The following FHL1 variants were observed in gnomAD, a reference collection of about 807,000 sequenced individuals.
FHL1 encodes four and a half LIM domains 1, also known as four and a half LIM domains protein 1.
FHL1 carries 1 observed loss-of-function variant against 20.3 expected under a neutral mutation model. The observed-to-expected ratio is 0.05, with a 90% CI of 0.02 to 0.23. The LOEUF is 0.23. FHL1 is among the 10% of genes least tolerant of loss of function. The pLI is 1.00. For missense variants in FHL1, 177 were observed against 234.0 expected (o/e 0.76, Z 1.59); for synonymous variants, 82 against 88.9 (o/e 0.92, Z 0.44).
intron 1 of FHL1, among the ~76,000 whole-genome samples, chrX:136,198,652 G>T (rs760392669): frequency 1.8e-5 from 2 of 112,148 alleles, no homozygotes; most frequent in East Asian, 5.6e-4. Flanking sequence ...CAAAATAGAA[G>T]CTAGGATAAT....
chrX:136,206,524 G>A lies in FHL1; in HGVS notation c.140G>A (p.Cys47Tyr). The A allele has an allele frequency of 8.2e-7, 1 of 1,212,629 alleles. No homozygotes were observed. The highest frequency in any genetic ancestry group is 1.1e-6 in the Non-Finnish European group (1 of 895,680). The part of the protein sequence containing the change: ...QKDGHHCCLK[C>Y]FDKFCANTCV... The stretch of plus-strand genomic sequence containing the variant: ...GATGGCCACCACTGCTGCCTGAAAT[G>A]CTTTGACAAGTTCTGTGCCAACACC... Residue 47 changes from cysteine to tyrosine, a missense_variant, in exon 2 of 6, where the codon TGC (cysteine) becomes TAC (tyrosine). Physicochemically the swap from Cys to Tyr is radical, Grantham distance 194. Coordinates refer to ENST00000370683, the MANE Select transcript of FHL1 (RefSeq NM_001159699.2).
At chrX:136,190,121 C>T (rs2073399118) in intron 2 of FHL1, among the ~76,000 whole-genome samples, 1 of 111,688 alleles carries the variant, frequency 9.0e-6, no homozygotes, top group African/African-American at 3.3e-5. Flanking sequence ...TGGAAATGAG[C>T]AAGAAGGGTG....
chrX:136,185,577 G>C (rs1048527904), intron 2 of FHL1, among the ~76,000 whole-genome samples: 1 of 111,759 alleles, frequency 8.9e-6, no homozygotes, highest in Non-Finnish European at 1.9e-5. Context: ...TAAAGACAGG[G>C]AGGTGCAATC....
At chrX:136,181,682 G>A (rs1374374343) in intron 2 of FHL1, among the ~76,000 whole-genome samples, 1 of 112,221 alleles carries the variant, frequency 8.9e-6, no homozygotes, top group Non-Finnish European at 1.9e-5. Flanking sequence ...ATACCTGCTT[G>A]TGTGTAGCTG....
At chrX:136,183,619 A>T (rs961849220) in intron 2 of FHL1, among the ~76,000 whole-genome samples, 2 of 112,419 alleles carry the variant, frequency 1.8e-5, no homozygotes, top group Non-Finnish European at 3.8e-5. Context: ...TTCGTGTATG[A>T]ATACTTTATA....
chrX:136,152,608 A>G (rs1343589761), intron 1 of FHL1, among the ~76,000 whole-genome samples: 2 of 107,454 alleles, frequency 1.9e-5, no homozygotes, highest in African/African-American at 6.8e-5. Context: ...AATCCCAGCT[A>G]CTCGGGAGGC....
intron 5 of FHL1, 99 bp downstream of exon 5, chrX:136,208,740 A>G: frequency 1.2e-6 from 1 of 843,354 alleles, no homozygotes; most frequent in South Asian, 2.0e-5. Context: ...AAAGGCCCCC[A>G]GAGAATGCCC....
At chrX:136,173,317 G>T (rs1304877301) in intron 2 of FHL1, among the ~76,000 whole-genome samples, 2 of 112,584 alleles carry the variant, frequency 1.8e-5, no homozygotes, top group African/African-American at 6.4e-5. Context: ...TGATTTGGCA[G>T]TTTTTTAATA....
At chrX:136,147,354 A>C (rs1194988098), upstream of FHL1, 2 of 43,425 alleles carry the variant, frequency 4.6e-5, no homozygotes, top group African/African-American at 9.0e-5. Flanking sequence ...CGCCCCGCAC[A>C]CAGCCTCCGT....
chrX:136,201,814 T>C (rs1224988844), intron 1 of FHL1, among the ~76,000 whole-genome samples: 4 of 109,359 alleles, frequency 3.7e-5, no homozygotes, highest in Non-Finnish European at 7.6e-5. Flanking sequence ...AGGGCAAACA[T>C]GCCCTCCACA....
intron 1 of FHL1, among the ~76,000 whole-genome samples, chrX:136,198,539 T>C (rs2073619751): frequency 9.0e-6 from 1 of 111,705 alleles, no homozygotes; most frequent in African/African-American, 3.3e-5. Context: ...CATTTTGTAT[T>C]GCATTAGGTT....
intron 1 of FHL1, among the ~76,000 whole-genome samples, chrX:136,199,420 C>A (rs2073645589): frequency 8.9e-6 from 1 of 112,104 alleles, no homozygotes; most frequent in African/African-American, 3.3e-5. Flanking sequence ...AGGGAAAAAA[C>A]ACTTTCTGAT....
intron 1 of FHL1, among the ~76,000 whole-genome samples, chrX:136,202,639 C>G (rs745865213): frequency 9.0e-6 from 1 of 111,046 alleles, no homozygotes; most frequent in Non-Finnish European, 1.9e-5. Flanking sequence ...GCCTGTAGTT[C>G]CAGCTACTCG....
chrX:136,196,914 T>G (rs1169615002), upstream of FHL1: 2 of 1,114,769 alleles, frequency 1.8e-6, no homozygotes, highest in Non-Finnish European at 2.4e-6. Context: ...TCTTCTCCCT[T>G]GGATCACCTA....
rs1290763318 is a variant in FHL1, at chrX:136,210,419, C to T, written c.*394C>T. On this transcript the variant is annotated 3_prime_UTR_variant, in exon 6 of 6. Coordinates refer to ENST00000370683, the MANE Select transcript of FHL1 (RefSeq NM_001159699.2). ...AGCTGGGACCCACCGTGTAGACACACGACATGCAAGAGTTGCAGCGGCTGC... is the reference window on the plus strand; with the variant it reads ...AGCTGGGACCCACCGTGTAGACACATGACATGCAAGAGTTGCAGCGGCTGC... 2 of 393,139 alleles carry T rather than the reference C, an allele frequency of 5.1e-6. No homozygotes were observed. Among genetic ancestry groups the T allele is most frequent in the Non-Finnish European group, 9.5e-6 (2 of 210,440 alleles). The allele number at this position is 393,139 out of a possible 1,213,427, so 32.4% of individuals were successfully genotyped here. A position where few individuals can be genotyped will look rare whatever the true frequency, so the allele number is the denominator to read the frequency against.
rs1360899812 is a variant in FHL1, at chrX:136,208,503, G to A, written c.598G>A (p.Asp200Asn). The change falls in exon 5 of 6, where the codon GAT (aspartate) becomes AAT (asparagine). Residue 200 changes from aspartate to asparagine, a missense_variant. By Grantham distance (23) the Asp-to-Asn change is conservative. Transcript: ENST00000370683. ...TTACCAGGATCAGCCCTGGCATGCC[G>A]ATTGCTTTGTGTGTGTTACCTGCTC... ...ITYQDQPWHA[D>N]CFVCVTCSKK... 7 of 1,209,888 alleles carry A rather than the reference G, an allele frequency of 5.8e-6. No homozygotes were observed. Among genetic ancestry groups the A allele is most frequent in the Non-Finnish European group, 5.6e-6 (5 of 895,151 alleles).
At chrX:136,174,136 C>T (rs1417929204) in intron 2 of FHL1, among the ~76,000 whole-genome samples, 1 of 111,628 alleles carries the variant, frequency 9.0e-6, no homozygotes, top group African/African-American at 3.3e-5. Context: ...TGTGAGTTTT[C>T]AATCCCAGGT....
intron 1 of FHL1, among the ~76,000 whole-genome samples, chrX:136,159,138 T>A (rs868513104): frequency 8.6e-5 from 8 of 92,628 alleles, no homozygotes; most frequent in East Asian, 3.4e-4. Flanking sequence ...CTAAAACTGC[T>A]AAAAAAAAAA....
chrX:136,207,650 AG>A (rs1053928443), intron 3 of FHL1, 141 bp from the exon 4 acceptor site: 2 of 609,885 alleles, frequency 3.3e-6, no homozygotes, highest in African/African-American at 4.5e-5. Context: ...AGTAGAACAC[AG>A]GTAGGTTAGT....
Sources: allele counts gnomAD v4.1 joint callset (sites outside exome capture counted in the v4.1 genomes callset), GRCh38; gene constraint gnomAD v4.1.1; transcripts MANE v1.5; gene names NCBI Gene and HGNC (gene_info 2026-07-23, HGNC 2026-07-21).